The following CLEC16A variants were observed in gnomAD, a reference collection of about 807,000 sequenced individuals.
CLEC16A encodes protein CLEC16A.
CLEC16A carries 51 observed loss-of-function variants against 109.5 expected under a neutral mutation model. That is an observed-to-expected ratio of 0.47 (90% CI 0.37 to 0.59). CLEC16A has a LOEUF of 0.59. Among genes scored for constraint, CLEC16A ranks in the 20% least tolerant of loss-of-function variants. The probability of loss-of-function intolerance (pLI) is 0.00; values close to 1 mark genes in which losing one functional copy is unlikely to be tolerated. For synonymous variants in CLEC16A, 673 were observed against 564.2 expected (o/e 1.19, Z -2.73); for missense variants, 1,339 against 1,394.0 (o/e 0.96, Z 0.63).
At chr16:11,027,542 T>G in intron 13 of CLEC16A, 2 of 1,559,958 alleles carry the variant, frequency 1.3e-6, no homozygotes, top group Non-Finnish European at 8.7e-7. Flanking sequence ...ACACAGTGAT[T>G]GAGGAGCACC....
rs1294367089 is a variant in CLEC16A at position 10,961,308 on chromosome 16, G to T, written c.210-1147G>T. ...GCCATTTAAATTTTTTCATTTATCC[G>T]TTCATGGATTCAGACAGAATCAGGC... is the stretch of plus-strand genomic sequence containing the variant. On this transcript the variant is annotated intron_variant, in intron 2 of 23. Coordinates refer to ENST00000409790, the MANE Select transcript of CLEC16A (RefSeq NM_015226.3). The surrounding 1 kb of genome is among the most constrained non-coding windows in gnomAD (Gnocchi z 4.3). Among the ~76,000 whole-genome samples the T allele has an allele frequency of 6.6e-6, 1 of 152,104 alleles. No individual in the cohort carries two copies. Among genetic ancestry groups the T allele is most frequent in the African/African-American group, 2.4e-5 (1 of 41,414 alleles).
intron 11 of CLEC16A, among the ~76,000 whole-genome samples, chr16:11,009,798 A>G (rs570863810): frequency 4.0e-4 from 61 of 152,342 alleles, no homozygotes; most frequent in African/African-American, 1.4e-3. Flanking sequence ...AGTTGAGGGT[A>G]CATAAGTATT....
At chr16:10,996,052 G>T (rs899045431) in intron 10 of CLEC16A, among the ~76,000 whole-genome samples, 1 of 152,058 alleles carries the variant, frequency 6.6e-6, no homozygotes, top group Non-Finnish European at 1.5e-5. Context: ...GCTCAACCAA[G>T]ATTCTTCCCT....
intron 11 of CLEC16A, among the ~76,000 whole-genome samples, chr16:11,019,626 G>A (rs2045974667): frequency 6.6e-6 from 1 of 152,128 alleles, no homozygotes; most frequent in Non-Finnish European, 1.5e-5. Context: ...AAAATTAGCT[G>A]GGTGTGGTGG....
At chr16:11,133,242 G>A (rs182840468) in intron 22 of CLEC16A, among the ~76,000 whole-genome samples, 1,629 of 152,204 alleles carry the variant, frequency 0.011, 12 homozygotes, top group Non-Finnish European at 0.018. Context: ...GGGAGGCTGA[G>A]GCAGGAGAAT....
intron 1 of CLEC16A, among the ~76,000 whole-genome samples, chr16:10,952,359 T>C (rs1486277557): frequency 6.6e-6 from 1 of 152,174 alleles, no homozygotes; most frequent in Non-Finnish European, 1.5e-5. Flanking sequence ...CTGGGCATGG[T>C]GGCCTGCGCC....
chr16:11,150,616 A>G (rs1222511137), intron 22 of CLEC16A, among the ~76,000 whole-genome samples: 2 of 152,250 alleles, frequency 1.3e-5, no homozygotes, highest in African/African-American at 2.4e-5. Context: ...CCTGTACTGT[A>G]AAATGCCTCT....
intron 12 of CLEC16A, among the ~76,000 whole-genome samples, chr16:11,022,831 A>G (rs537427226): frequency 2.0e-3 from 306 of 150,982 alleles, no homozygotes; most frequent in African/African-American, 7.2e-3. Context: ...CCCGGGAGGC[A>G]GAGCTTGCAG....
chr16:11,044,140 T>A, intron 16 of CLEC16A, 68 bp downstream of exon 16: 1 of 1,371,960 alleles, frequency 7.3e-7, no homozygotes, highest in Non-Finnish European at 1.0e-6. Flanking sequence ...TGGTGTCTGG[T>A]TCTATGCAGA....
At chr16:11,008,868 G>A (rs557241227) in intron 11 of CLEC16A, among the ~76,000 whole-genome samples, 163 of 151,212 alleles carry the variant, frequency 1.1e-3, no homozygotes, top group African/African-American at 3.6e-3. Flanking sequence ...GCGTGGTGGC[G>A]GGCACCTGTA....
At chr16:11,148,371 C>A (rs780775019) in intron 22 of CLEC16A, among the ~76,000 whole-genome samples, 4 of 152,156 alleles carry the variant, frequency 2.6e-5, no homozygotes, top group Non-Finnish European at 4.4e-5. Flanking sequence ...TGGTAGAAAC[C>A]TCCACCTCCT....
At chr16:10,973,981 C>A (rs978682689) in intron 7 of CLEC16A, among the ~76,000 whole-genome samples, 4 of 144,576 alleles carry the variant, frequency 2.8e-5, no homozygotes, top group Non-Finnish European at 6.0e-5. Flanking sequence ...CTCACTGCAC[C>A]TCTGCCTCCT....
intron 11 of CLEC16A, among the ~76,000 whole-genome samples, chr16:11,019,924 C>T (rs755885345): frequency 6.6e-6 from 1 of 152,100 alleles, no homozygotes; most frequent in East Asian, 1.9e-4. Context: ...TTTAAACTCT[C>T]GAAATAGAAT....
intron 10 of CLEC16A, among the ~76,000 whole-genome samples, chr16:10,987,839 C>A (rs1043051707): frequency 1.3e-5 from 2 of 152,206 alleles, no homozygotes; most frequent in Non-Finnish European, 2.9e-5. Flanking sequence ...CTTTCTCCTT[C>A]CCGTAATTTG....
intron 22 of CLEC16A, among the ~76,000 whole-genome samples, chr16:11,134,882 C>T (rs2053467643): frequency 1.3e-5 from 2 of 152,374 alleles, no homozygotes; most frequent in East Asian, 1.9e-4. Context: ...ATGTTCCCTA[C>T]TCCCCTCTTC....
intron 10 of CLEC16A, among the ~76,000 whole-genome samples, chr16:10,992,106 A>G (rs1286776068): frequency 6.6e-6 from 1 of 152,206 alleles, no homozygotes; most frequent in Non-Finnish European, 1.5e-5. Flanking sequence ...GGTAGCCTCC[A>G]GATACGCACG....
chr16:11,097,839 G>A (rs1013758495), intron 19 of CLEC16A, among the ~76,000 whole-genome samples: 2 of 152,208 alleles, frequency 1.3e-5, no homozygotes, highest in Non-Finnish European at 2.9e-5. Flanking sequence ...CATTATAATA[G>A]CAGGAGCACA....
At chr16:11,045,726 C>T (rs1333221297) in intron 16 of CLEC16A, among the ~76,000 whole-genome samples, 1 of 152,190 alleles carries the variant, frequency 6.6e-6, no homozygotes, top group East Asian at 1.9e-4. Flanking sequence ...CCCCTCTTAA[C>T]GTGGCTGATG....
intron 11 of CLEC16A, among the ~76,000 whole-genome samples, chr16:11,005,186 A>C (rs1413895416): frequency 6.6e-6 from 1 of 152,078 alleles, no homozygotes; most frequent in Non-Finnish European, 1.5e-5. Context: ...GCTTAGCCCC[A>C]AAATCACAAT....
Sources: allele counts gnomAD v4.1 joint callset (sites outside exome capture counted in the v4.1 genomes callset), GRCh38; gene constraint gnomAD v4.1.1; non-coding constraint Gnocchi (gnomAD v3.1); transcripts MANE v1.5; gene names NCBI Gene and HGNC (gene_info 2026-07-23, HGNC 2026-07-21).